The following ADAMTSL1 variants were observed in gnomAD, a reference collection of about 807,000 sequenced individuals.
ADAMTSL1 encodes the protein ADAMTS like 1.
ADAMTSL1 carries 126 observed loss-of-function variants against 201.8 expected under a neutral mutation model. The observed-to-expected ratio is 0.62, with a 90% CI of 0.54 to 0.72. ADAMTSL1 has a LOEUF of 0.72. Among genes scored for constraint, ADAMTSL1 ranks in the 30% least tolerant of loss-of-function variants. ADAMTSL1 has a pLI of 0.00. For synonymous variants in ADAMTSL1, 1,121 were observed against 903.4 expected, an observed-to-expected ratio of 1.24 and a Z score of -4.32; for missense variants, 2,679 against 2,277.8, an observed-to-expected ratio of 1.18 and a Z score of -3.59.
intron 2 of ADAMTSL1, among the ~76,000 whole-genome samples, chr9:18,452,751 A>T (rs1820457938): frequency 6.6e-6 from 1 of 152,242 alleles, no homozygotes; most frequent in African/African-American, 2.4e-5. Context: ...AAAGCTGGAG[A>T]ATAATCTTTG....
intron 2 of ADAMTSL1, among the ~76,000 whole-genome samples, chr9:18,530,419 A>T (rs374504903): frequency 1.2e-4 from 19 of 152,268 alleles, no homozygotes; most frequent in African/African-American, 4.1e-4. Flanking sequence ...TTTAAAAGCA[A>T]AATCTCACCA....
chr9:18,595,028 C>G (rs552277776), intron 4 of ADAMTSL1, among the ~76,000 whole-genome samples: 9 of 152,154 alleles, frequency 5.9e-5, no homozygotes, highest in African/African-American at 2.2e-4. Context: ...TGTCTCAGCA[C>G]TAGAGGATGT....
At chr9:18,545,357 TAAC>T (rs951678651) in intron 3 of ADAMTSL1, among the ~76,000 whole-genome samples, 45 of 152,256 alleles carry the variant, frequency 3.0e-4, no homozygotes, top group African/African-American at 1.0e-3. Context: ...CATTTCACCA[TAAC>T]ACCAGGAGCT....
chr9:18,375,990 A>G (rs1326632033), intron 2 of ADAMTSL1, among the ~76,000 whole-genome samples: 3 of 152,006 alleles, frequency 2.0e-5, no homozygotes, highest in Admixed American at 6.6e-5. Context: ...GCATTTTACA[A>G]TCCTAGCTAC....
intron 2 of ADAMTSL1, among the ~76,000 whole-genome samples, chr9:18,283,628 A>AG (rs1832877117): frequency 6.7e-6 from 1 of 148,364 alleles, no homozygotes; most frequent in African/African-American, 2.5e-5. Context: ...AAAAAAAAAA[A>AG]AAGGCTGGGT....
At chr9:18,459,266 A>G (rs925527265) in intron 2 of ADAMTSL1, among the ~76,000 whole-genome samples, 3 of 152,172 alleles carry the variant, frequency 2.0e-5, no homozygotes, top group Admixed American at 6.5e-5. Flanking sequence ...TTATATTACA[A>G]ATTATATCAT....
chr9:18,149,578 AC>A (rs1027806736), intron 1 of ADAMTSL1, among the ~76,000 whole-genome samples: 3 of 151,978 alleles, frequency 2.0e-5, no homozygotes, highest in African/African-American at 4.8e-5. Context: ...CCTAACCCAG[AC>A]CTCCTGAGTG....
intron 1 of ADAMTSL1, among the ~76,000 whole-genome samples, chr9:18,108,006 G>A (rs1824836366): frequency 6.6e-6 from 1 of 152,070 alleles, no homozygotes; most frequent in African/African-American, 2.4e-5. Context: ...AAACATATAG[G>A]AAGTGGCTTT....
At chr9:17,919,234 AT>A (rs1323191241) in intron 1 of ADAMTSL1, among the ~76,000 whole-genome samples, 2 of 151,708 alleles carry the variant, frequency 1.3e-5, no homozygotes, top group African/African-American at 4.8e-5. Flanking sequence ...GTACATTATT[AT>A]TATTTTTTCT....
chr9:18,688,087 A>G (rs953052688), intron 13 of ADAMTSL1, among the ~76,000 whole-genome samples: 25 of 149,802 alleles, frequency 1.7e-4, no homozygotes, highest in Non-Finnish European at 3.0e-4. Context: ...GAAAGGTAGG[A>G]ATATTGTGAT....
chr9:18,121,280 G>T (rs1825485030), intron 1 of ADAMTSL1, among the ~76,000 whole-genome samples: 1 of 152,150 alleles, frequency 6.6e-6, no homozygotes, highest in Non-Finnish European at 1.5e-5. Flanking sequence ...TGTTTGAAAT[G>T]ATTCCATTTT....
intron 3 of ADAMTSL1, among the ~76,000 whole-genome samples, chr9:18,561,222 G>GT (rs1431423568): frequency 6.6e-6 from 1 of 152,076 alleles, no homozygotes; most frequent in Non-Finnish European, 1.5e-5. Context: ...AGAGATTTTG[G>GT]TATGTTGTCT....
In ADAMTSL1 at chr9:18,795,494, G is replaced by C. The variant is rs761908680; in HGVS notation, c.3775G>C (p.Asp1259His). ...TCNATNALGY[D>H]SVSIAVTLAG... is the part of the protein sequence containing the mutation. ...CAATGCCACCAATGCCTTGGGATAC[G>C]ACTCTGTCTCCATTGCCGTCACATT... The change falls in exon 20 of 29, where the codon GAC (aspartate) becomes CAC (histidine). Residue 1259 changes from aspartate (D) to histidine (H), a missense_variant. Asp to His is a moderately conservative substitution (Grantham distance 81). Coordinates refer to ENST00000380548, the MANE Select transcript of ADAMTSL1 (RefSeq NM_001040272.6). The C allele has an allele frequency of 1.2e-6, 2 of 1,613,562 alleles. No homozygotes were observed. The highest frequency in any genetic ancestry group is 2.2e-5 in the East Asian group (1 of 44,860).
intron 2 of ADAMTSL1, among the ~76,000 whole-genome samples, chr9:18,240,893 C>G (rs1219743924): frequency 6.6e-6 from 1 of 152,132 alleles, no homozygotes; most frequent in Non-Finnish European, 1.5e-5. Context: ...ATGAACCAAC[C>G]TCTGCTACCT....
At chr9:18,450,568 C>G (rs1453861141) in intron 2 of ADAMTSL1, among the ~76,000 whole-genome samples, 1 of 151,356 alleles carries the variant, frequency 6.6e-6, no homozygotes, top group Non-Finnish European at 1.5e-5. Context: ...TTCATATATA[C>G]ATATATAGAT....
intron 2 of ADAMTSL1, among the ~76,000 whole-genome samples, chr9:18,464,786 G>C (rs997557373): frequency 6.6e-6 from 1 of 152,050 alleles, no homozygotes; most frequent in African/African-American, 2.4e-5. Context: ...TAAAATTGCA[G>C]TGCAAAAAAG....
intron 4 of ADAMTSL1, among the ~76,000 whole-genome samples, chr9:18,583,691 C>G (rs950223844): frequency 1.3e-5 from 2 of 152,134 alleles, no homozygotes; most frequent in African/African-American, 4.8e-5. Flanking sequence ...GGAGGCTGTG[C>G]CCTGCAGAGC....
At chr9:18,519,369 C>A (rs1057466176) in intron 2 of ADAMTSL1, among the ~76,000 whole-genome samples, 3 of 149,226 alleles carry the variant, frequency 2.0e-5, no homozygotes, top group Admixed American at 6.7e-5. Context: ...GAGGAGGAAG[C>A]GAGGGCTGAA....
chr9:18,115,768 A>AGTGAT (rs1221882234), intron 1 of ADAMTSL1, among the ~76,000 whole-genome samples: 7 of 152,148 alleles, frequency 4.6e-5, no homozygotes, highest in Admixed American at 2.6e-4. Context: ...TTTTACAAAT[A>AGTGAT]GTGATGATGC....
Sources: allele counts gnomAD v4.1 joint callset (sites outside exome capture counted in the v4.1 genomes callset), GRCh38; gene constraint gnomAD v4.1.1; transcripts MANE v1.5; gene names NCBI Gene and HGNC (gene_info 2026-07-23, HGNC 2026-07-21).